The following SCTR variants were observed in gnomAD, a reference collection of about 807,000 sequenced individuals.
The protein encoded by SCTR is pancreatic secretin receptor.
A neutral mutation model predicts 60.8 loss-of-function variants in SCTR; 56 were observed. That is an observed-to-expected ratio of 0.92 (90% CI 0.74 to 1.15). The LOEUF is 1.15. Among genes scored for constraint, SCTR ranks in the 50% most tolerant of loss-of-function variants. The pLI, the probability that SCTR is intolerant of heterozygous loss-of-function variation, is 0.00. For missense variants in SCTR, 562 were observed against 550.4 expected (o/e 1.02, Z -0.21); for synonymous variants, 202 against 217.0 (o/e 0.93, Z 0.61).
intron 9 of SCTR, among the ~76,000 whole-genome samples, chr2:119,451,074 T>C (rs17015954): frequency 0.016 from 2,468 of 152,324 alleles, 24 homozygotes; most frequent in South Asian, 0.054. Flanking sequence ...TCTCAACCAA[T>C]CCCAAGATGC....
chr2:119,514,894 T>C (rs2104948266), intron 1 of SCTR, among the ~76,000 whole-genome samples: 1 of 151,984 alleles, frequency 6.6e-6, no homozygotes, highest in East Asian at 1.9e-4. Flanking sequence ...AAAAAAAATC[T>C]GAATAAGGTA....
At chr2:119,490,100 G>A (rs765022400) in intron 2 of SCTR, among the ~76,000 whole-genome samples, 5 of 152,124 alleles carry the variant, frequency 3.3e-5, no homozygotes, top group East Asian at 1.9e-4. Flanking sequence ...CGCAGTTTCC[G>A]GGGGTAGCAG....
In SCTR at chr2:119,446,837, G is replaced by A. The variant is rs751802243; in HGVS notation, c.1062C>T (p.His354=). ...TLLLIPLFGI[H]YIVFAFSPED... is the part of the protein sequence containing the mutation. ...CTGGGGAGAAGGCGAAGACGATGTAGTGGATGCCAAAGAGGGGGATCAGCA... is the reference window on the plus strand; with the variant it reads ...CTGGGGAGAAGGCGAAGACGATGTAATGGATGCCAAAGAGGGGGATCAGCA... Residue 354 remains histidine, a synonymous_variant, in exon 11 of 13, where the codon CAC becomes CAT. Transcript: ENST00000019103. 1.1e-5 allele frequency: 18 copies of A among 1,583,142 alleles called. No individual in the cohort carries two copies. The highest frequency in any genetic ancestry group is 1.7e-4 in the Middle Eastern group (1 of 5,972).
intron 2 of SCTR, among the ~76,000 whole-genome samples, chr2:119,487,785 G>A (rs932624650): frequency 6.6e-5 from 10 of 152,142 alleles, no homozygotes; most frequent in Non-Finnish European, 1.5e-4. Flanking sequence ...TAAGTGTGGC[G>A]GGCTCGGTGA....
At chr2:119,484,859 G>A (rs1280960625) in intron 2 of SCTR, 6 of 152,576 alleles carry the variant, frequency 3.9e-5, no homozygotes, top group Non-Finnish European at 8.8e-5. Flanking sequence ...ACTGGGGAGA[G>A]ATGGAGGGGA....
chr2:119,507,575 T>C (rs933568977), intron 1 of SCTR, among the ~76,000 whole-genome samples: 8 of 151,900 alleles, frequency 5.3e-5, no homozygotes, highest in Admixed American at 1.3e-4. Context: ...ATTATTTCTT[T>C]AAATCAAGGT....
intron 8 of SCTR, among the ~76,000 whole-genome samples, 155 bp from the exon 9 acceptor site, chr2:119,452,234 C>G (rs1242372207): frequency 1.3e-5 from 2 of 152,138 alleles, no homozygotes; most frequent in African/African-American, 4.8e-5. Context: ...ATTAGAACAC[C>G]CCCTCCTGCC....
At chr2:119,485,604 C>T (rs1677829476) in intron 2 of SCTR, among the ~76,000 whole-genome samples, 1 of 152,230 alleles carries the variant, frequency 6.6e-6, no homozygotes, top group African/African-American at 2.4e-5. Context: ...ACAGCCCGGC[C>T]CCCGGGGCCA....
At chr2:119,507,888 A>G (rs2104933483) in intron 1 of SCTR, among the ~76,000 whole-genome samples, 1 of 152,206 alleles carries the variant, frequency 6.6e-6, no homozygotes, top group South Asian at 2.1e-4. Flanking sequence ...CACATTGGCC[A>G]GGATGATCTT....
intron 3 of SCTR, among the ~76,000 whole-genome samples, chr2:119,474,604 A>G (rs980080771): frequency 6.6e-6 from 1 of 152,192 alleles, no homozygotes; most frequent in South Asian, 2.1e-4. Flanking sequence ...TGGAGCCTTA[A>G]CAGCCCCAGC....
At chr2:119,482,051 C>A (rs1450777235) in intron 2 of SCTR, among the ~76,000 whole-genome samples, 2 of 152,230 alleles carry the variant, frequency 1.3e-5, no homozygotes, top group African/African-American at 4.8e-5. Flanking sequence ...AGTGGCTTCC[C>A]AGGCCACACA....
chr2:119,499,547 A>G (rs544162132), intron 1 of SCTR, among the ~76,000 whole-genome samples: 1 of 152,262 alleles, frequency 6.6e-6, no homozygotes, highest in East Asian at 1.9e-4. Context: ...ACAAATTAAA[A>G]ATAAATAACA....
At chr2:119,503,232 G>C (rs1446292977) in intron 1 of SCTR, among the ~76,000 whole-genome samples, 1 of 150,518 alleles carries the variant, frequency 6.6e-6, no homozygotes, top group Non-Finnish European at 1.5e-5. Flanking sequence ...AAGACACAAA[G>C]TAATCTTAAA....
In SCTR at chr2:119,478,834, A is replaced by T; in HGVS notation, c.278T>A (p.Leu93His). ...ACCATTTCTGCTGGTGAGCATCCGG[A>T]GGAATCTCGGGCATTCCACCTCCAC... ...RMVEVECPRF[L>H]RMLTSRNGSL... is the part of the protein sequence containing the mutation. Residue 93 changes from leucine (L) to histidine (H), a missense_variant, in exon 3 of 13, where the codon CTC becomes CAC. Leu to His is a moderately conservative substitution (Grantham distance 99). Transcript: ENST00000019103. The T allele has an allele frequency of 6.2e-7, 1 of 1,614,152 alleles. No individual in the cohort carries two copies. Among genetic ancestry groups the T allele is most frequent in the Non-Finnish European group, 8.5e-7 (1 of 1,180,020 alleles).
chr2:119,450,781 G>A (rs1023957068), intron 9 of SCTR, among the ~76,000 whole-genome samples: 3 of 152,216 alleles, frequency 2.0e-5, no homozygotes, highest in East Asian at 1.9e-4. Flanking sequence ...ACCAGCCTGG[G>A]CAACACAGTG....
chr2:119,448,350 A>G (rs1376930568), intron 10 of SCTR, among the ~76,000 whole-genome samples: 1 of 152,216 alleles, frequency 6.6e-6, no homozygotes, highest in African/African-American at 2.4e-5. Context: ...ACCGAAGGTC[A>G]TCCTCCTCTG....
In SCTR at chr2:119,465,811, G is replaced by T; in HGVS notation, c.481C>A (p.Leu161Ile). Residue 161 changes from leucine to isoleucine, a missense_variant, in exon 5 of 13, where the codon CTT becomes ATT. Physicochemically the swap from Leu to Ile is conservative, Grantham distance 5 (BLOSUM62 2). Coordinates refer to ENST00000019103, the MANE Select transcript of SCTR (RefSeq NM_002980.3). ...SSSLVMLLVA[L>I]GILCAFRRLH... ...CACCGGAAAGCACAGAGGATGCCAA[G>T]GGCGACCAGGAGCATGACCAGGGAG... 1 of 1,613,740 alleles carries T rather than the reference G, an allele frequency of 6.2e-7. No individual in the cohort carries two copies. The highest frequency in any genetic ancestry group is 8.5e-7 in the Non-Finnish European group (1 of 1,179,664).
intron 1 of SCTR, among the ~76,000 whole-genome samples, chr2:119,522,096 A>C (rs1463714806): frequency 6.6e-6 from 1 of 152,172 alleles, no homozygotes; most frequent in Non-Finnish European, 1.5e-5. Context: ...GGAGTTTCAG[A>C]CCAGCCTGAC....
At chr2:119,465,254 T>C (rs1683783797) in intron 5 of SCTR, among the ~76,000 whole-genome samples, 1 of 152,140 alleles carries the variant, frequency 6.6e-6, no homozygotes, top group African/African-American at 2.4e-5. Flanking sequence ...GCAGGATGAA[T>C]GCCAGCAACT....
Sources: allele counts gnomAD v4.1 joint callset (sites outside exome capture counted in the v4.1 genomes callset), GRCh38; gene constraint gnomAD v4.1.1; transcripts MANE v1.5; gene names NCBI Gene and HGNC (gene_info 2026-07-23, HGNC 2026-07-21).